The following LMNA variants were observed in gnomAD, a reference collection of about 807,000 sequenced individuals.
The protein encoded by LMNA is lamin A/C, also known as lamin.
A neutral mutation model predicts 70.4 loss-of-function variants in LMNA; 20 were observed. That is an observed-to-expected ratio of 0.28 (90% CI 0.20 to 0.41). The LOEUF is 0.41. LMNA is among the 10% of genes least tolerant of loss of function. The pLI is 1.00. For missense variants in LMNA, 652 were observed against 917.2 expected, an observed-to-expected ratio of 0.71 and a Z score of 3.73; for synonymous variants, 339 against 372.8, an observed-to-expected ratio of 0.91 and a Z score of 1.04.
chr1:156,139,543 G>C lies in LMNA; in HGVS notation c.*437G>C. 4 of 1,373,254 alleles carry C rather than the reference G, an allele frequency of 2.9e-6. No individual in the cohort carries two copies. The highest frequency in any genetic ancestry group is 3.7e-6 in the Non-Finnish European group (4 of 1,066,676). 85.1% of individuals were successfully genotyped at this position (1,373,254 alleles called of 1,614,324 possible). ...GGCAGGCATAGAGGCTTCTCCGCCA[G>C]CCTCCTCTGGACGGCAGGCTCACTG... On this transcript the variant is annotated 3_prime_UTR_variant, in exon 12 of 12. Coordinates refer to ENST00000368300, the MANE Select transcript of LMNA (RefSeq NM_170707.4).
At position 156,138,540 on chromosome 1, in the gene LMNA, G is replaced by T; in HGVS notation, c.1751G>T (p.Arg584Leu). The T allele has an allele frequency of 6.2e-7, 1 of 1,612,574 alleles. No homozygotes were observed. The highest frequency in any genetic ancestry group is 1.7e-4 in the Middle Eastern group (1 of 6,058). The part of the protein sequence containing the change: ...GDPAEYNLRS[R>L]TVLCGTCGQP... ...CCCGCTGAGTACAACCTGCGCTCGC[G>T]CACCGTGCTGTGCGGGACCTGCGGG... The change falls in exon 11 of 12, where the codon CGC becomes CTC. Residue 584 changes from arginine to leucine, a missense_variant. Arg to Leu is a moderately radical substitution (Grantham distance 102, BLOSUM62 -2). Around this residue, in one of 4 missense-constraint regions of LMNA, gnomAD observed 327 missense variants for 387.6 expected, o/e 0.84. Coordinates refer to ENST00000368300, the MANE Select transcript of LMNA (RefSeq NM_170707.4). The surrounding 1 kb of genome is among the most constrained non-coding windows in gnomAD (Gnocchi z 5.5).
chr1:156,107,120 T>G (rs1211426949), intron 3 of LMNA, among the ~76,000 whole-genome samples: 1 of 152,206 alleles, frequency 6.6e-6, no homozygotes, highest in Non-Finnish European at 1.5e-5. Context: ...ATGCAGATAA[T>G]GGTGCTTGCC....
intron 1 of LMNA, chr1:156,082,911 C>CCCCATGGGGGCTTTGGGAA (rs1648321015): frequency 6.6e-6 from 1 of 152,126 alleles, no homozygotes; most frequent in Non-Finnish European, 1.5e-5. Context: ...CGCTCCCTGC[C>CCCCATGGGGGCTTTGGGAA]GCGCTCACTC....
At chr1:156,089,557 C>T (rs1648612371) in intron 2 of LMNA, among the ~76,000 whole-genome samples, 1 of 151,104 alleles carries the variant, frequency 6.6e-6, no homozygotes, top group African/African-American at 2.4e-5. Context: ...GCCTCCATTG[C>T]ACTCCAGCCT....
At chr1:156,086,343 A>G (rs1648473023) in intron 2 of LMNA, among the ~76,000 whole-genome samples, 1 of 152,104 alleles carries the variant, frequency 6.6e-6, no homozygotes, top group African/African-American at 2.4e-5. Flanking sequence ...CAAACAGCAA[A>G]TAATTCTAAA....
intron 1 of LMNA, chr1:156,126,502 G>A (rs764588840): frequency 3.6e-5 from 24 of 672,986 alleles, no homozygotes; most frequent in African/African-American, 7.1e-5. Context: ...GTGGGTCAGC[G>A]CCTGGCCCGG....
At position 156,136,365 on chromosome 1, in the gene LMNA, A is replaced by T. The variant is rs1255332623; in HGVS notation, c.1309A>T (p.Ser437Cys). ...RSSFSQHART[S>C]GRVAVEEVDE... The stretch of plus-strand genomic sequence containing the variant: ...CAGCTTCTCACAGCACGCACGCACT[A>T]GCGGGCGCGTGGCCGTGGAGGAGGT... Residue 437 changes from serine to cysteine, a missense_variant, in exon 7 of 12, where the codon AGC (serine) becomes TGC (cysteine). This residue lies in a region of LMNA where 327 missense variants were observed against 387.6 expected (regional missense o/e 0.84). Transcript: ENST00000368300. This position sits in a 1 kb window ranked among gnomAD's most constrained non-coding sequence, Gnocchi z 6.1. The T allele has an allele frequency of 6.2e-7, 1 of 1,612,104 alleles. No individual in the cohort carries two copies. The highest frequency in any genetic ancestry group is 8.5e-7 in the Non-Finnish European group (1 of 1,179,966).
In LMNA at chr1:156,114,928, C is replaced by A. The variant is rs1477323839; in HGVS notation, c.10C>A (p.Pro4Thr). The A allele has an allele frequency of 6.4e-7, 1 of 1,557,038 alleles. No individual in the cohort carries two copies. The highest frequency in any genetic ancestry group is 1.2e-5 in the South Asian group (1 of 84,760). Residue 4 changes from proline to threonine, a missense_variant, in exon 1 of 12, where the codon CCG becomes ACG. By Grantham distance (38) the Pro-to-Thr change is conservative. Transcript: ENST00000368300. MET[P>T]SQRRATRSGA... is the part of the protein sequence containing the mutation. The stretch of plus-strand genomic sequence containing the variant: ...TGCCAACCTGCCGGCCATGGAGACC[C>A]CGTCCCAGCGGCGCGCCACCCGCAG...
At position 156,138,769 on chromosome 1, in the gene LMNA, C is replaced by G. The variant is rs1458573927; in HGVS notation, c.1968+12C>G. ...GCCCCCGAACCCAGGTGAGTTGTCT[C>G]TGCTTTGTCTCCAAATCCTGCAGGC... is the stretch of plus-strand genomic sequence containing the variant. On this transcript the variant is annotated intron_variant, in intron 11 of 11. Coordinates refer to ENST00000368300, the MANE Select transcript of LMNA (RefSeq NM_170707.4). The surrounding 1 kb of genome is among the most constrained non-coding windows in gnomAD (Gnocchi z 5.5). The G allele has an allele frequency of 6.2e-7, 1 of 1,613,342 alleles. No individual in the cohort carries two copies. Among genetic ancestry groups the G allele is most frequent in the South Asian group, 1.1e-5 (1 of 91,086 alleles).
chr1:156,138,666 A>G lies in LMNA; in HGVS notation c.1877A>G (p.Tyr626Cys), dbSNP rs138208127. The G allele has an allele frequency of 3.1e-6, 5 of 1,613,650 alleles. No homozygotes were observed. The highest frequency in any genetic ancestry group is 4.2e-6 in the Non-Finnish European group (5 of 1,179,968). ...TCCAGTGTCACGGTCACTCGCAGCT[A>G]CCGCAGTGTGGGGGGCAGTGGGGGT... ...SASSVTVTRS[Y>C]RSVGGSGGGS... The change falls in exon 11 of 12, where the codon TAC becomes TGC. Residue 626 changes from tyrosine to cysteine, a missense_variant. Physicochemically the swap from Tyr to Cys is radical, Grantham distance 194. This residue lies in a region of LMNA where 327 missense variants were observed against 387.6 expected (regional missense o/e 0.84). Transcript: ENST00000368300. The surrounding 1 kb of genome is among the most constrained non-coding windows in gnomAD (Gnocchi z 5.5).
chr1:156,126,584 A>C (rs781337896), intron 1 of LMNA: 2 of 836,650 alleles, frequency 2.4e-6, no homozygotes, highest in South Asian at 2.8e-5. Flanking sequence ...GGCCTGCTGC[A>C]GCTGGGGAGC....
chr1:156,112,383 A>G (rs1649573297), upstream of LMNA, among the ~76,000 whole-genome samples: 1 of 152,018 alleles, frequency 6.6e-6, no homozygotes, highest in Admixed American at 6.6e-5. Context: ...AAGATTCTCA[A>G]AAAAAGAGCG....
Position 156,134,551 on chromosome 1 carries a change from C to T in LMNA, c.639+23C>T, listed in dbSNP as rs1651363462. The T allele has an allele frequency of 3.7e-6, 6 of 1,613,358 alleles. No individual in the cohort carries two copies. Among genetic ancestry groups the T allele is most frequent in the Non-Finnish European group, 4.2e-6 (5 of 1,179,984 alleles). ...GAGGTGGGGACTGTGCTTTGCAAGC[C>T]AGAGGGCTGGGGCTGGGTGATGACA... On this transcript the variant is annotated intron_variant, in intron 3 of 11. Transcript: ENST00000368300. This position sits in a 1 kb window ranked among gnomAD's most constrained non-coding sequence, Gnocchi z 5.3.
intron 3 of LMNA, among the ~76,000 whole-genome samples, chr1:156,095,101 G>A (rs914019743): frequency 6.6e-6 from 1 of 151,898 alleles, no homozygotes. Context: ...GCTAATTTTT[G>A]TATTTTTATT....
intron 2 of LMNA, among the ~76,000 whole-genome samples, chr1:156,089,601 AAAAGAAAG>A (rs71080746): frequency 2.7e-5 from 4 of 145,586 alleles, no homozygotes; most frequent in South Asian, 2.2e-4. Context: ...CTAAAAAAAA[AAAAGAAAG>A]AAAGAAAGAA....
At chr1:156,091,924 T>G (rs1210643167) in intron 3 of LMNA, among the ~76,000 whole-genome samples, 1 of 150,926 alleles carries the variant, frequency 6.6e-6, no homozygotes, top group Non-Finnish European at 1.5e-5. Context: ...AAAAAAAAAT[T>G]TTTTTTTTTT....
rs370200334 is a variant in LMNA, at chr1:156,130,756, C to A, written c.496C>A (p.Arg166=). ...GCTGGAGGGCGAGCTGCATGATCTG[C>A]GGGGCCAGGTGGCCAAGGTGAGGCC... The part of the protein sequence containing the change: ...RTLEGELHDL[R]GQVAKLEAAL... The change falls in exon 2 of 12, where the codon CGG becomes AGG. Residue 166 remains arginine (R), a synonymous_variant. Transcript: ENST00000368300. 1 of 1,591,890 alleles carries A rather than the reference C, an allele frequency of 6.3e-7. No homozygotes were observed. Among genetic ancestry groups the A allele is most frequent in the Non-Finnish European group, 8.6e-7 (1 of 1,169,254 alleles).
upstream of LMNA, among the ~76,000 whole-genome samples, chr1:156,110,573 G>A (rs1649496550): frequency 6.6e-6 from 1 of 152,228 alleles, no homozygotes; most frequent in African/African-American, 2.4e-5. Context: ...GGCTGGGCAT[G>A]GTGGCTGGCA....
intron 1 of LMNA, among the ~76,000 whole-genome samples, chr1:156,120,724 A>T (rs1371737997): frequency 2.0e-5 from 3 of 147,132 alleles, no homozygotes; most frequent in Non-Finnish European, 2.9e-5. Context: ...AAAAGAAAAA[A>T]ACAAAACAAA....
Sources: allele counts gnomAD v4.1 joint callset (sites outside exome capture counted in the v4.1 genomes callset), GRCh38; gene constraint gnomAD v4.1.1; regional missense constraint gnomAD v4.1.1; non-coding constraint Gnocchi (gnomAD v3.1); transcripts MANE v1.5; gene names NCBI Gene and HGNC (gene_info 2026-07-23, HGNC 2026-07-21).